PEX3: variants seen among roughly 807,000 people sequenced by gnomAD.
PEX3 encodes the protein peroxin-3.
A neutral mutation model predicts 55.8 loss-of-function variants in PEX3; 30 were observed. The ratio of observed to expected loss-of-function variants is 0.54; its 90% confidence interval spans 0.40 to 0.73. PEX3 has a LOEUF of 0.73. PEX3 is among the 30% of genes least tolerant of loss of function. The probability of loss-of-function intolerance (pLI) is 0.00; values close to 1 mark genes in which losing one functional copy is unlikely to be tolerated. For missense variants in PEX3, 351 were observed against 432.8 expected (o/e 0.81, Z 1.68); for synonymous variants, 135 against 148.4 (o/e 0.91, Z 0.66).
Position 143,451,258 on chromosome 6 carries a change from G to A in PEX3, c.73+143G>A, listed in dbSNP as rs2128744849. On this transcript the variant is annotated intron_variant, in intron 1 of 11. Transcript: ENST00000367591. This position sits in a 1 kb window ranked among gnomAD's most constrained non-coding sequence, Gnocchi z 4.1. ...CAACCATGGGATGAAAAGGGAGGTG[G>A]CCAACCTCCAGGGTTCTCCCATCTC... is the stretch of plus-strand genomic sequence containing the variant. 1 of 709,904 alleles carries A rather than the reference G, an allele frequency of 1.4e-6. No homozygotes were observed. The allele number at this position is 709,904 out of a possible 1,614,324, so 44.0% of individuals were successfully genotyped here.
intron 2 of PEX3, among the ~76,000 whole-genome samples, chr6:143,460,383 C>T (rs1266939691): frequency 1.3e-5 from 2 of 151,944 alleles, no homozygotes; most frequent in Non-Finnish European, 2.9e-5. Flanking sequence ...TTATAAAAGC[C>T]ACTTCATAAA....
Position 143,459,274 on chromosome 6 carries a change from C to T in PEX3, c.205+58C>T. ...GTTGTTTGACGGTTGTATTAATTTG[C>T]ATATCACCGGGATCAAATTTAGAGG... On this transcript the variant is annotated intron_variant, in intron 2 of 11. Transcript: ENST00000367591. This position sits in a 1 kb window ranked among gnomAD's most constrained non-coding sequence, Gnocchi z 4.2. 3 of 1,438,468 alleles carry T rather than the reference C, an allele frequency of 2.1e-6. No homozygotes were observed. The highest frequency in any genetic ancestry group is 2.3e-5 in the East Asian group (1 of 43,746). The allele number at this position is 1,438,468 out of a possible 1,614,324, so 89.1% of individuals were successfully genotyped here.
rs1055294993 is a variant in PEX3 at position 143,463,894 on chromosome 6, C to T, written c.287+897C>T. Among the ~76,000 whole-genome samples, 3 of 152,060 alleles carry T rather than the reference C, an allele frequency of 2.0e-5. No individual in the cohort carries two copies. The highest frequency in any genetic ancestry group is 7.2e-5 in the African/African-American group (3 of 41,422). On this transcript the variant is annotated intron_variant, in intron 3 of 11. Transcript: ENST00000367591. This position sits in a 1 kb window ranked among gnomAD's most constrained non-coding sequence, Gnocchi z 5.7. ...TTGAGTGCTCAGACAGGCTACATAA[C>T]AAGTGGGGAATTTTTTTAAAAACAC...
chr6:143,476,689 A>C lies in PEX3; in HGVS notation c.818+1833A>C, dbSNP rs1227728657. On this transcript the variant is annotated intron_variant, in intron 9 of 11. Coordinates refer to ENST00000367591, the MANE Select transcript of PEX3 (RefSeq NM_003630.3). This position sits in a 1 kb window ranked among gnomAD's most constrained non-coding sequence, Gnocchi z 5.4. Reference sequence around the variant, plus strand: ...TGACTCCTAGGTATTGGGGCTGAGCATTTGAGGAAATAGGAACTGCCATTT... The same window carrying C: ...TGACTCCTAGGTATTGGGGCTGAGCCTTTGAGGAAATAGGAACTGCCATTT... 3.9e-5 allele frequency among the ~76,000 whole-genome samples: 6 copies of C among 152,222 alleles called. No homozygotes were observed. Among genetic ancestry groups the C allele is most frequent in the Non-Finnish European group, 8.8e-5 (6 of 68,028 alleles).
At chr6:143,480,695 T>G (rs996682012) in intron 10 of PEX3, among the ~76,000 whole-genome samples, 1 of 152,174 alleles carries the variant, frequency 6.6e-6, no homozygotes, top group Admixed American at 6.5e-5. Flanking sequence ...CATTGTTTAA[T>G]GTGTTGTGAA....
intron 1 of PEX3, among the ~76,000 whole-genome samples, chr6:143,457,391 A>G (rs2128745364): frequency 6.6e-6 from 1 of 152,358 alleles, no homozygotes; most frequent in South Asian, 2.1e-4. Context: ...GCATATAAAC[A>G]TAGCAACAGC....
Position 143,489,264 on chromosome 6 carries a change from C to A in PEX3, c.*38C>A. ...GAAAAACTACAGTGGGATTCATTTACTTTTTAAAATACACTGGGTAAATCA... is the reference window on the plus strand; with the variant it reads ...GAAAAACTACAGTGGGATTCATTTAATTTTTAAAATACACTGGGTAAATCA... On this transcript the variant is annotated 3_prime_UTR_variant, in exon 12 of 12. Transcript: ENST00000367591. The surrounding 1 kb of genome is among the most constrained non-coding windows in gnomAD (Gnocchi z 5.5). 3.5e-6 allele frequency: 4 copies of A among 1,136,382 alleles called. No homozygotes were observed. Among genetic ancestry groups the A allele is most frequent in the Non-Finnish European group, 5.4e-6 (4 of 744,106 alleles). The allele number at this position is 1,136,382 out of a possible 1,614,324, so 70.4% of individuals were successfully genotyped here.
At chr6:143,474,053 GC>G (rs1377053498) in intron 8 of PEX3, among the ~76,000 whole-genome samples, 1 of 151,840 alleles carries the variant, frequency 6.6e-6, no homozygotes, top group Non-Finnish European at 1.5e-5. Flanking sequence ...GATCACTTGA[GC>G]CCACGAGTTC....
rs1210873376 is a variant in PEX3, at chr6:143,476,002, A to G, written c.818+1146A>G. Among the ~76,000 whole-genome samples the G allele has an allele frequency of 6.6e-6, 1 of 152,222 alleles. No individual in the cohort carries two copies. Among genetic ancestry groups the G allele is most frequent in the African/African-American group, 2.4e-5 (1 of 41,462 alleles). ...TAGTGGGAGAGAAAAATAATCAACT[A>G]ATAAATTTGATGTAATGTCAAGTAT... On this transcript the variant is annotated intron_variant, in intron 9 of 11. Transcript: ENST00000367591. This position sits in a 1 kb window ranked among gnomAD's most constrained non-coding sequence, Gnocchi z 5.4.
At chr6:143,472,410 T>C (rs984252353) in intron 8 of PEX3, 82 bp downstream of exon 8, 16 of 980,420 alleles carry the variant, frequency 1.6e-5, no homozygotes, top group African/African-American at 1.4e-4. Flanking sequence ...GATTTCTGAG[T>C]CTCTTGAAAG....
At chr6:143,455,702 A>AC (rs1275772884) in intron 1 of PEX3, among the ~76,000 whole-genome samples, 1 of 152,174 alleles carries the variant, frequency 6.6e-6, no homozygotes, top group East Asian at 1.9e-4. Context: ...GATAGGTTAA[A>AC]CAGGTGTGTG....
intron 8 of PEX3, among the ~76,000 whole-genome samples, chr6:143,473,845 C>G (rs896553845): frequency 6.6e-6 from 1 of 151,406 alleles, no homozygotes; most frequent in Non-Finnish European, 1.5e-5. Flanking sequence ...GCACTCCAGA[C>G]TGGGCAACAC....
rs892099963 is a variant in PEX3 at position 143,484,962 on chromosome 6, C to T, written c.942-190C>T. 11 of 559,906 alleles carry T rather than the reference C, an allele frequency of 2.0e-5. No homozygotes were observed. In the East Asian group the frequency reaches 3.1e-4, roughly 16 times the overall value. The allele number at this position is 559,906 out of a possible 1,614,324, so 34.7% of individuals were successfully genotyped here. ...AAAAACAAAGATATGTGTAAAAAAA[C>T]GCCAAAAGAAATTGGTCATGATGTC... On this transcript the variant is annotated intron_variant, in intron 10 of 11. Coordinates refer to ENST00000367591, the MANE Select transcript of PEX3 (RefSeq NM_003630.3).
At chr6:143,484,168 A>C (rs1312303433) in intron 10 of PEX3, among the ~76,000 whole-genome samples, 1 of 152,152 alleles carries the variant, frequency 6.6e-6, no homozygotes, top group Non-Finnish European at 1.5e-5. Context: ...CCCCAACGCA[A>C]AAATGAGTCT....
rs1306692018 is a variant in PEX3 at position 143,485,570 on chromosome 6, G to C, written c.1038+322G>C. On this transcript the variant is annotated intron_variant, in intron 11 of 11. Transcript: ENST00000367591. The surrounding 1 kb of genome is among the most constrained non-coding windows in gnomAD (Gnocchi z 5.6). ...TGTGCTAGTAAGAAGATTGATCCTT[G>C]GGGCAGATCAAGGATCCTGTTCTAC... Among the ~76,000 whole-genome samples the C allele has an allele frequency of 6.6e-6, 1 of 151,972 alleles. No homozygotes were observed. Among genetic ancestry groups the C allele is most frequent in the Admixed American group, 6.6e-5 (1 of 15,238 alleles).
In PEX3 at chr6:143,463,537, A is replaced by G. The variant is rs1049039077; in HGVS notation, c.287+540A>G. On this transcript the variant is annotated intron_variant, in intron 3 of 11. Transcript: ENST00000367591. This position sits in a 1 kb window ranked among gnomAD's most constrained non-coding sequence, Gnocchi z 5.7. ...CACTTTCACATATGTAACCTTGTAT[A>G]TTGCATGTAGCATGTGTTGGGGTAT... 1.3e-5 allele frequency among the ~76,000 whole-genome samples: 2 copies of G among 151,262 alleles called. No homozygotes were observed. Among genetic ancestry groups the G allele is most frequent in the Non-Finnish European group, 2.9e-5 (2 of 67,870 alleles).
intron 2 of PEX3, among the ~76,000 whole-genome samples, chr6:143,461,606 G>A (rs1584004659): frequency 6.6e-6 from 1 of 151,822 alleles, no homozygotes; most frequent in African/African-American, 2.4e-5. Flanking sequence ...AGTGCTTTGG[G>A]GTAAATATAA....
rs755363447 is a variant in PEX3, at chr6:143,451,223, G to C, written c.73+108G>C. On this transcript the variant is annotated intron_variant, in intron 1 of 11. Transcript: ENST00000367591. The surrounding 1 kb of genome is among the most constrained non-coding windows in gnomAD (Gnocchi z 4.1). ...CGATCCTAGTCTGGGATATGTAGAG[G>C]GAGTTCGATCAACCATGGGATGAAA... 3.6e-6 allele frequency: 3 copies of C among 842,980 alleles called. No individual in the cohort carries two copies. The highest frequency in any genetic ancestry group is 6.1e-6 in the Non-Finnish European group (3 of 489,902). The allele number at this position is 842,980 out of a possible 1,614,324, so 52.2% of individuals were successfully genotyped here.
intron 1 of PEX3, among the ~76,000 whole-genome samples, chr6:143,452,037 G>T (rs114231988): frequency 0.011 from 1,697 of 152,272 alleles, 27 homozygotes; most frequent in African/African-American, 0.039. Flanking sequence ...CAAAGAATTT[G>T]GTTGGCTTTT....
Sources: gnomAD v4.1 joint callset for allele counts (sites outside exome capture counted in the v4.1 genomes callset) on GRCh38, gnomAD v4.1.1 for gene constraint, Gnocchi (gnomAD v3.1) non-coding constraint, MANE v1.5 for transcripts, NCBI Gene and HGNC (gene_info 2026-07-23, HGNC 2026-07-21) for gene names.